The following KCNH5 variants were observed in gnomAD, a reference collection of about 807,000 sequenced individuals.
KCNH5 encodes the protein voltage-gated delayed rectifier potassium channel KCNH5.
Under a neutral mutation model 96.1 loss-of-function variants are expected in KCNH5, and 46 were observed. That is an observed-to-expected ratio of 0.48 (90% CI 0.38 to 0.61). The LOEUF is 0.61. KCNH5 is among the 20% of genes least tolerant of loss of function. The pLI, the probability that KCNH5 is intolerant of heterozygous loss-of-function variation, is 0.00. For synonymous variants in KCNH5, 439 were observed against 449.8 expected, an observed-to-expected ratio of 0.98 and a Z score of 0.30; for missense variants, 907 against 1,225.8, an observed-to-expected ratio of 0.74 and a Z score of 3.88.
intron 9 of KCNH5, among the ~76,000 whole-genome samples, chr14:62,782,452 A>G (rs1190358874): frequency 1.3e-5 from 2 of 152,208 alleles, no homozygotes; most frequent in African/African-American, 4.8e-5. Flanking sequence ...CTTTTAGTTC[A>G]TGACACTGAT....
chr14:62,814,244 T>C (rs1197212669), intron 8 of KCNH5, among the ~76,000 whole-genome samples: 4 of 152,154 alleles, frequency 2.6e-5, no homozygotes, highest in African/African-American at 7.2e-5. Context: ...AGTTTTGCAG[T>C]AACAACAAAC....
chr14:62,967,012 G>C (rs563089118), intron 6 of KCNH5, among the ~76,000 whole-genome samples: 21 of 152,242 alleles, frequency 1.4e-4, no homozygotes, highest in African/African-American at 4.6e-4. Flanking sequence ...TTAACAGGTT[G>C]TGTTGGTAAT....
At chr14:62,791,261 T>C (rs1258334203) in intron 9 of KCNH5, among the ~76,000 whole-genome samples, 1 of 151,720 alleles carries the variant, frequency 6.6e-6, no homozygotes, top group Non-Finnish European at 1.5e-5. Flanking sequence ...AGTAGCAGTA[T>C]GTAAATCTTC....
At chr14:62,948,570 T>C (rs1278055038) in intron 7 of KCNH5, among the ~76,000 whole-genome samples, 2 of 152,090 alleles carry the variant, frequency 1.3e-5, no homozygotes, top group East Asian at 1.9e-4. Context: ...AGCCGAATTC[T>C]ACCAGAGGTA....
chr14:63,035,356 A>T (rs1455618466), intron 1 of KCNH5, among the ~76,000 whole-genome samples: 3 of 152,224 alleles, frequency 2.0e-5, no homozygotes, highest in Non-Finnish European at 1.5e-5. Flanking sequence ...ATAGAAAAAC[A>T]CAAAGAGGCT....
chr14:62,991,108 T>G (rs938775465), intron 4 of KCNH5, among the ~76,000 whole-genome samples: 1 of 152,020 alleles, frequency 6.6e-6, no homozygotes, highest in East Asian at 1.9e-4. Context: ...GACTAACACA[T>G]AGTGGGCACT....
chr14:62,701,637 G>A lies in KCNH5; in HGVS notation c.*5871C>T, dbSNP rs1004000749. On this transcript the variant is annotated 3_prime_UTR_variant, in exon 11 of 11. Transcript: ENST00000322893. ...ATGATTACCTCTGGCTCAGTTATTA[G>A]CCAAGTGAAAACAAGATGGTTTGGG... 5 of 152,096 alleles carry A rather than the reference G, an allele frequency of 3.3e-5. No individual in the cohort carries two copies. The highest frequency in any genetic ancestry group is 1.2e-4 in the African/African-American group (5 of 41,438). The allele number at this position is 152,096 out of a possible 1,614,324, so 9.4% of individuals were successfully genotyped here.
Position 62,796,090 on chromosome 14 carries a change from C to T in KCNH5, c.1822+6239G>A, listed in dbSNP as rs1886535307. Among the ~76,000 whole-genome samples, 3 of 152,040 alleles carry T rather than the reference C, an allele frequency of 2.0e-5. No individual in the cohort carries two copies. The South Asian group carries it at 6.2e-4, about 31-fold the overall frequency. ...GAGCAAAAGCCAGACCCAAATGGCC[C>T]CATAAGCCATGCTCGTAGTTACATT... On this transcript the variant is annotated intron_variant, in intron 9 of 10. Transcript: ENST00000322893.
In KCNH5 at chr14:62,857,697, T is replaced by C. The variant is rs371773278; in HGVS notation, c.1370-7845A>G. Among the ~76,000 whole-genome samples the C allele has an allele frequency of 2.0e-5, 3 of 152,282 alleles. No homozygotes were observed. In the East Asian group the frequency reaches 5.8e-4, roughly 29 times the overall value. ...TTTTCTGCCTGTTTTATATTCTAGC[T>C]GCACTGGCAGCTGATTAGATGGTGC... On this transcript the variant is annotated intron_variant, in intron 7 of 10. Transcript: ENST00000322893.
chr14:62,766,611 G>T (rs1318422539), intron 10 of KCNH5, among the ~76,000 whole-genome samples: 1 of 152,082 alleles, frequency 6.6e-6, no homozygotes, highest in Non-Finnish European at 1.5e-5. Context: ...TCACTTATTT[G>T]TGGGGTCTAA....
chr14:62,861,673 C>CACACACAT (rs1371234433), intron 7 of KCNH5, among the ~76,000 whole-genome samples: 100 of 148,770 alleles, frequency 6.7e-4, no homozygotes, highest in African/African-American at 2.4e-3. Flanking sequence ...CACACACACA[C>CACACACAT]ACGGTATAAT....
At chr14:62,717,644 T>A (rs534150620) in intron 10 of KCNH5, among the ~76,000 whole-genome samples, 6 of 152,214 alleles carry the variant, frequency 3.9e-5, no homozygotes, top group Non-Finnish European at 5.9e-5. Flanking sequence ...ATTAAACTTA[T>A]AATGGATAAA....
chr14:62,930,342 C>T (rs1889556893), intron 7 of KCNH5, among the ~76,000 whole-genome samples: 1 of 152,068 alleles, frequency 6.6e-6, no homozygotes, highest in South Asian at 2.1e-4. Context: ...CAAAGTTCTA[C>T]CTGACAACAG....
chr14:62,790,079 G>A (rs950668785), intron 9 of KCNH5, among the ~76,000 whole-genome samples: 1 of 139,362 alleles, frequency 7.2e-6, no homozygotes, highest in Non-Finnish European at 1.6e-5. Flanking sequence ...TTTTTTTTTT[G>A]TATGGGTGGA....
intron 9 of KCNH5, among the ~76,000 whole-genome samples, chr14:62,785,579 A>G (rs1886304456): frequency 6.6e-6 from 1 of 152,220 alleles, no homozygotes. Flanking sequence ...AGCTTGTGCT[A>G]AACATGAAAG....
intron 5 of KCNH5, among the ~76,000 whole-genome samples, chr14:62,986,782 T>G (rs887751110): frequency 6.6e-6 from 1 of 152,150 alleles, no homozygotes. Context: ...TGAATATGTG[T>G]TTGCTGCATA....
chr14:62,739,281 A>T (rs948864564), intron 10 of KCNH5, among the ~76,000 whole-genome samples: 5 of 152,140 alleles, frequency 3.3e-5, no homozygotes, highest in African/African-American at 1.2e-4. Flanking sequence ...TTGGAATCTG[A>T]TAAAACTTTC....
In KCNH5 at chr14:63,006,375, T is replaced by G. The variant is rs780461223; in HGVS notation, c.295A>C (p.Lys99Gln). The G allele has an allele frequency of 3.7e-6, 6 of 1,602,984 alleles. No homozygotes were observed. In the East Asian group the frequency reaches 1.1e-4, roughly 30 times the overall value. ...TAATTGAGATACCTACTGTTTTTCT[T>G]GTACAGAAGAACTTCAAAGCAGTTT... ...ESNCFEVLLY[K>Q]KNRTPVWFYM... Residue 99 changes from lysine to glutamine, a missense_variant, in exon 3 of 11, where the codon AAG becomes CAG. By Grantham distance (53) the Lys-to-Gln change is moderately conservative. Transcript: ENST00000322893.
chr14:62,998,313 TTTCTGA>T (rs1890948363), intron 4 of KCNH5, among the ~76,000 whole-genome samples: 1 of 152,266 alleles, frequency 6.6e-6, no homozygotes, highest in South Asian at 2.1e-4. Flanking sequence ...ATGTCTTTAA[TTTCTGA>T]TATTGGTAAT....
Sources: allele counts gnomAD v4.1 joint callset (sites outside exome capture counted in the v4.1 genomes callset), GRCh38; gene constraint gnomAD v4.1.1; transcripts MANE v1.5; gene names NCBI Gene and HGNC (gene_info 2026-07-23, HGNC 2026-07-21).